OTUD7A: variants seen among roughly 807,000 people sequenced by gnomAD.
OTUD7A encodes the protein OTU domain-containing protein 7A.
In OTUD7A, 12 loss-of-function variants were observed where a neutral mutation model predicts 65.7. The observed-to-expected ratio is 0.18, with a 90% CI of 0.12 to 0.30. The LOEUF (loss-of-function observed/expected upper bound fraction) is 0.30, where lower values mean the gene tolerates loss of function less well. OTUD7A is among the 10% of genes least tolerant of loss of function. The pLI is 1.00. For synonymous variants in OTUD7A, 641 were observed against 586.3 expected, an observed-to-expected ratio of 1.09 and a Z score of -1.35; for missense variants, 1,148 against 1,304.8, an observed-to-expected ratio of 0.88 and a Z score of 1.85.
intron 1 of OTUD7A, among the ~76,000 whole-genome samples, chr15:31,855,441 G>C (rs549948180): frequency 7.4e-4 from 113 of 152,140 alleles, no homozygotes; most frequent in African/African-American, 2.7e-3. Context: ...AAGAGAACAA[G>C]AAAGGAGGAA....
intron 8 of OTUD7A, among the ~76,000 whole-genome samples, chr15:31,525,319 A>T (rs1309636783): frequency 6.6e-6 from 1 of 152,244 alleles, no homozygotes. Context: ...GTTGGTATGG[A>T]CATAACATAG....
intron 1 of OTUD7A, among the ~76,000 whole-genome samples, chr15:31,738,873 C>T (rs976407096): frequency 6.6e-6 from 1 of 152,220 alleles, no homozygotes; most frequent in African/African-American, 2.4e-5. Flanking sequence ...CTTTCATTTA[C>T]ACCTATTAAG....
intron 1 of OTUD7A, among the ~76,000 whole-genome samples, chr15:31,682,302 A>G (rs1052170568): frequency 7.9e-5 from 12 of 152,216 alleles, no homozygotes; most frequent in Non-Finnish European, 1.0e-4. Flanking sequence ...CACAGTTAAG[A>G]TGTCAAGTAT....
At chr15:31,743,761 G>C (rs1031561736) in intron 1 of OTUD7A, among the ~76,000 whole-genome samples, 3 of 151,256 alleles carry the variant, frequency 2.0e-5, no homozygotes, top group Non-Finnish European at 4.4e-5. Flanking sequence ...GAAAAGAAAA[G>C]AAAAGAAGAG....
intron 3 of OTUD7A, among the ~76,000 whole-genome samples, chr15:31,589,448 C>A (rs1428208352): frequency 6.7e-6 from 1 of 148,608 alleles, no homozygotes; most frequent in Non-Finnish European, 1.5e-5. Context: ...TACAGGTGTC[C>A]ACTGTCCTGG....
Position 31,484,770 on chromosome 15 carries a change from TGTCC to T in OTUD7A, c.1372-50_1372-47del, listed in dbSNP as rs1180559807. ...GGATCGAAGGTGGTTAGAGAAGAGC[TGTCC>T]ACGCGCCAGCGAGGAAGACACACCT... is the stretch of plus-strand genomic sequence containing the variant. On this transcript the variant is annotated intron_variant, in intron 12 of 12. Coordinates refer to ENST00000307050, the MANE Select transcript of OTUD7A (RefSeq NM_001382637.1). The surrounding 1 kb of genome is among the most constrained non-coding windows in gnomAD (Gnocchi z 4.5). 1 of 1,572,894 alleles carries T rather than the reference TGTCC, an allele frequency of 6.4e-7. No individual in the cohort carries two copies. Among genetic ancestry groups the T allele is most frequent in the Admixed American group, 1.8e-5 (1 of 56,796 alleles).
At chr15:31,618,929 T>A (rs1188200558) in intron 3 of OTUD7A, among the ~76,000 whole-genome samples, 1 of 152,248 alleles carries the variant, frequency 6.6e-6, no homozygotes, top group African/African-American at 2.4e-5. Context: ...AAGTCTTTAA[T>A]CCATCTTGAA....
chr15:31,693,915 G>C (rs1347503139), intron 1 of OTUD7A, among the ~76,000 whole-genome samples: 2 of 152,226 alleles, frequency 1.3e-5, no homozygotes, highest in Non-Finnish European at 2.9e-5. Flanking sequence ...AAAGGTCCTG[G>C]TGAAGATGAA....
At chr15:31,681,953 G>A (rs1892727510) in intron 1 of OTUD7A, among the ~76,000 whole-genome samples, 1 of 152,100 alleles carries the variant, frequency 6.6e-6, no homozygotes, top group Non-Finnish European at 1.5e-5. Flanking sequence ...TTAGAGCTAT[G>A]AGAGACAAGA....
intron 1 of OTUD7A, among the ~76,000 whole-genome samples, chr15:31,778,425 C>T (rs1895446539): frequency 6.6e-6 from 1 of 152,160 alleles, no homozygotes; most frequent in East Asian, 1.9e-4. Context: ...ATTGTATATC[C>T]AAAGGAAAGA....
intron 3 of OTUD7A, among the ~76,000 whole-genome samples, chr15:31,610,611 A>ATTTTTT (rs1309588573): frequency 1.0e-3 from 38 of 36,556 alleles, no homozygotes; most frequent in Non-Finnish European, 1.4e-3. Context: ...ATATATATAT[A>ATTTTTT]TATATATTTT....
chr15:31,652,853 C>A (rs1891880694), intron 3 of OTUD7A, among the ~76,000 whole-genome samples: 1 of 152,198 alleles, frequency 6.6e-6, no homozygotes, highest in South Asian at 2.1e-4. Context: ...GGATGTGGGG[C>A]AGCTGGAGCT....
At chr15:31,764,811 A>G (rs1161735626) in intron 1 of OTUD7A, among the ~76,000 whole-genome samples, 1 of 152,178 alleles carries the variant, frequency 6.6e-6, no homozygotes, top group Non-Finnish European at 1.5e-5. Flanking sequence ...GGGTGAGTCT[A>G]ACGTGCACCA....
intron 1 of OTUD7A, among the ~76,000 whole-genome samples, chr15:31,755,354 C>G (rs990367434): frequency 6.6e-6 from 1 of 152,082 alleles, no homozygotes; most frequent in Non-Finnish European, 1.5e-5. Context: ...CTCAATGGGG[C>G]CTTTCCTGTC....
intron 3 of OTUD7A, among the ~76,000 whole-genome samples, chr15:31,585,356 T>A (rs1261424014): frequency 3.9e-5 from 6 of 152,232 alleles, no homozygotes; most frequent in Non-Finnish European, 5.9e-5. Flanking sequence ...AGGAGAAGTC[T>A]TCGAATACTG....
chr15:31,486,741 G>C (rs906110788), intron 12 of OTUD7A, among the ~76,000 whole-genome samples: 2 of 152,214 alleles, frequency 1.3e-5, no homozygotes, highest in Admixed American at 6.5e-5. Context: ...CAGTTCCCTG[G>C]CTTTTTTTGA....
At chr15:31,509,313 C>G (rs752531253) in intron 8 of OTUD7A, among the ~76,000 whole-genome samples, 59 of 151,454 alleles carry the variant, frequency 3.9e-4, no homozygotes, top group Admixed American at 5.9e-4. Context: ...GAGTCTTGCT[C>G]TGTTGCCCAG....
At chr15:31,663,108 T>C (rs1294188912) in intron 1 of OTUD7A, among the ~76,000 whole-genome samples, 2 of 151,518 alleles carry the variant, frequency 1.3e-5, no homozygotes, top group Non-Finnish European at 2.9e-5. Context: ...TCCTGTCCGA[T>C]TTCCTTGATT....
intron 1 of OTUD7A, among the ~76,000 whole-genome samples, chr15:31,853,301 G>C (rs1211893907): frequency 1.3e-5 from 2 of 152,196 alleles, no homozygotes; most frequent in Admixed American, 6.5e-5. Flanking sequence ...CAGCTTCTCA[G>C]CTTCGAGCAA....
Sources: gnomAD v4.1 joint callset for allele counts (sites outside exome capture counted in the v4.1 genomes callset) on GRCh38, gnomAD v4.1.1 for gene constraint, Gnocchi (gnomAD v3.1) non-coding constraint, MANE v1.5 for transcripts, NCBI Gene and HGNC (gene_info 2026-07-23, HGNC 2026-07-21) for gene names.